CTNNA3: variants seen among roughly 807,000 people sequenced by gnomAD.
The protein encoded by CTNNA3 is catenin alpha-3.
CTNNA3 carries 76 observed loss-of-function variants against 95.7 expected under a neutral mutation model. The ratio of observed to expected loss-of-function variants is 0.79; its 90% CI spans 0.66 to 0.96. The LOEUF (loss-of-function observed/expected upper bound fraction) is 0.96. Among genes scored for constraint, CTNNA3 ranks in the 40% least tolerant of loss-of-function variants. The pLI, the probability that CTNNA3 is intolerant of heterozygous loss-of-function variation, is 0.00. For synonymous variants in CTNNA3, 431 were observed against 374.4 expected (o/e 1.15, Z -1.74); for missense variants, 1,191 against 1,089.8 (o/e 1.09, Z -1.31).
chr10:67,298,791 A>G (rs1340669914), intron 5 of CTNNA3, among the ~76,000 whole-genome samples: 3 of 152,366 alleles, frequency 2.0e-5, no homozygotes, highest in Middle Eastern at 3.4e-3. Context: ...AACTGGAACT[A>G]TATGTGCAAA....
At chr10:67,593,637 T>C (rs2133352161) in intron 3 of CTNNA3, among the ~76,000 whole-genome samples, 1 of 152,326 alleles carries the variant, frequency 6.6e-6, no homozygotes, top group African/African-American at 2.4e-5. Context: ...AAGTTGTTTA[T>C]CAGGTCTAGG....
chr10:67,396,805 A>AC (rs60505371), intron 5 of CTNNA3, among the ~76,000 whole-genome samples: 152,048 of 152,118 alleles, frequency 1, 75,989 homozygotes, highest in Middle Eastern at 1. Flanking sequence ...GGGGGCAGTT[A>AC]CCCCATGCTG....
At chr10:66,412,221 A>T (rs1319589768) in intron 11 of CTNNA3, among the ~76,000 whole-genome samples, 1 of 152,182 alleles carries the variant, frequency 6.6e-6, no homozygotes, top group African/African-American at 2.4e-5. Context: ...AAAGATAATA[A>T]AGTGGTGGTC....
intron 12 of CTNNA3, among the ~76,000 whole-genome samples, chr10:66,351,373 T>A (rs910026389): frequency 1.3e-5 from 2 of 152,008 alleles, no homozygotes; most frequent in African/African-American, 4.8e-5. Context: ...GTTAAATAAC[T>A]TACCTACAAT....
At chr10:67,499,179 T>C (rs1334050224) in intron 5 of CTNNA3, among the ~76,000 whole-genome samples, 2 of 152,234 alleles carry the variant, frequency 1.3e-5, no homozygotes, top group African/African-American at 4.8e-5. Context: ...CTTTTCTGCA[T>C]CTATTGAGAT....
rs146762074 is a variant in CTNNA3 at position 66,992,475 on chromosome 10, C to A, written c.1047+187842G>T. Among the ~76,000 whole-genome samples the A allele has an allele frequency of 1.2e-3, 182 of 151,804 alleles. 1 individual carries two copies. Among genetic ancestry groups the A allele is most frequent in the African/African-American group, 4.2e-3 (175 of 41,400 alleles). ...CTTAGTATTATCTGAATAAAAAATT[C>A]TTTGTCAGTTCTAGTTTTATGCATT... On this transcript the variant is annotated intron_variant, in intron 7 of 17. Transcript: ENST00000433211.
At chr10:67,012,206 A>G (rs1852380431) in intron 7 of CTNNA3, 1 of 152,240 alleles carries the variant, frequency 6.6e-6, no homozygotes, top group African/African-American at 2.4e-5. Flanking sequence ...GTCACAGAGT[A>G]TGAAGAATGT....
chr10:66,525,559 T>A (rs1841225219), intron 10 of CTNNA3, among the ~76,000 whole-genome samples: 1 of 152,012 alleles, frequency 6.6e-6, no homozygotes, highest in Non-Finnish European at 1.5e-5. Context: ...GTGATGATCC[T>A]TGAAACCATA....
intron 10 of CTNNA3, among the ~76,000 whole-genome samples, chr10:66,550,010 C>T (rs951370653): frequency 6.6e-6 from 1 of 152,056 alleles, no homozygotes; most frequent in African/African-American, 2.4e-5. Flanking sequence ...TGATTTTTGT[C>T]TAAATGTTCT....
At chr10:67,038,731 G>A (rs1242870341) in intron 7 of CTNNA3, among the ~76,000 whole-genome samples, 1 of 152,032 alleles carries the variant, frequency 6.6e-6, no homozygotes, top group Non-Finnish European at 1.5e-5. Flanking sequence ...AAAATCATTA[G>A]TCAGGTCATT....
intron 1 of CTNNA3, among the ~76,000 whole-genome samples, chr10:67,705,860 C>G (rs1043474855): frequency 1.3e-5 from 2 of 151,836 alleles, no homozygotes; most frequent in African/African-American, 4.8e-5. Context: ...AACCGACATA[C>G]AGGTTCAGTT....
intron 2 of CTNNA3, among the ~76,000 whole-genome samples, chr10:67,633,828 C>T (rs1839223649): frequency 6.6e-6 from 1 of 152,020 alleles, no homozygotes; most frequent in African/African-American, 2.4e-5. Context: ...TACAGGAATA[C>T]ATAAAAAGAC....
Position 66,075,277 on chromosome 10 carries a change from GA to G in CTNNA3, c.1978-5789del, listed in dbSNP as rs376986750. 3.0e-4 allele frequency among the ~76,000 whole-genome samples: 46 copies of G among 151,728 alleles called. No individual in the cohort carries two copies. In the East Asian group the frequency reaches 8.5e-3, roughly 28 times the overall value. On this transcript the variant is annotated intron_variant, in intron 14 of 17. Coordinates refer to ENST00000433211, the MANE Select transcript of CTNNA3 (RefSeq NM_013266.4). ...TAAAAGAGACAAAAGGAAAAGAAAG[GA>G]AAAAAGTGACATAATAGGAAAAATG...
intron 5 of CTNNA3, among the ~76,000 whole-genome samples, chr10:67,413,582 C>T (rs1194844756): frequency 6.6e-6 from 1 of 151,980 alleles, no homozygotes; most frequent in African/African-American, 2.4e-5. Context: ...CAACACTTGA[C>T]CAAATGGGCC....
intron 5 of CTNNA3, among the ~76,000 whole-genome samples, chr10:67,346,993 G>T (rs1842444972): frequency 6.6e-6 from 1 of 151,790 alleles, no homozygotes; most frequent in African/African-American, 2.4e-5. Context: ...TTAAAATTAT[G>T]AGAATTTTTT....
intron 13 of CTNNA3, among the ~76,000 whole-genome samples, chr10:66,267,917 A>T (rs1405482125): frequency 2.0e-5 from 3 of 152,174 alleles, no homozygotes; most frequent in Admixed American, 6.6e-5. Context: ...TCACTAAAAT[A>T]TTTGACTAAT....
At chr10:66,726,046 G>A (rs1160418319) in intron 9 of CTNNA3, among the ~76,000 whole-genome samples, 1 of 151,984 alleles carries the variant, frequency 6.6e-6, no homozygotes, top group Non-Finnish European at 1.5e-5. Context: ...TTTCTTTATG[G>A]TCTTGAACAA....
chr10:66,733,932 A>G (rs1028408197), intron 9 of CTNNA3, among the ~76,000 whole-genome samples: 2 of 151,778 alleles, frequency 1.3e-5, no homozygotes, highest in African/African-American at 4.8e-5. Context: ...TATGAACTTT[A>G]TATTGGCCAC....
chr10:66,439,560 TG>T (rs1224757825), intron 11 of CTNNA3, among the ~76,000 whole-genome samples: 3 of 152,028 alleles, frequency 2.0e-5, no homozygotes, highest in Admixed American at 6.6e-5. Flanking sequence ...ATTAAGCAAA[TG>T]AAAAATGAAG....
Sources: allele counts gnomAD v4.1 joint callset (sites outside exome capture counted in the v4.1 genomes callset), GRCh38; gene constraint gnomAD v4.1.1; transcripts MANE v1.5; gene names NCBI Gene and HGNC (gene_info 2026-07-23, HGNC 2026-07-21).